DPYD: variants seen among roughly 807,000 people sequenced by gnomAD.
DPYD encodes dihydropyrimidine dehydrogenase [NADP(+)].
In DPYD, 109 loss-of-function variants were observed where a neutral mutation model predicts 116.2. That is an observed-to-expected ratio of 0.94 (90% CI 0.80 to 1.10). The LOEUF is 1.10. DPYD is among the 50% of genes least tolerant of loss of function. The pLI, the probability that DPYD is intolerant of heterozygous loss-of-function variation, is 0.00. For synonymous variants in DPYD, 440 were observed against 432.0 expected (o/e 1.02, Z -0.23); for missense variants, 1,302 against 1,254.5 (o/e 1.04, Z -0.57).
rs113712656 is a variant in DPYD at position 97,884,955 on chromosome 1, A to G, written c.40-1581T>C. ...TCTTTGATTTCCTCACATGCAAAAT[A>G]GGGCAACACCTGAATCAGAAGTAAA... On this transcript the variant is annotated intron_variant, in intron 1 of 22. Transcript: ENST00000370192. 1.7e-3 allele frequency among the ~76,000 whole-genome samples: 264 copies of G among 152,172 alleles called. 4 individuals are homozygous for G. The highest frequency in any genetic ancestry group is 2.1e-3 in the Non-Finnish European group (141 of 67,950).
Position 97,079,085 on chromosome 1 carries a change from G to C in DPYD, c.2969C>G (p.Thr990Ser). 6.2e-7 allele frequency: 1 copy of C among 1,613,768 alleles called. No homozygotes were observed. The highest frequency in any genetic ancestry group is 1.6e-4 in the Middle Eastern group (1 of 6,062). ...AATAGGGCAAACACTGAGACACAGA[G>C]TACAGCCTGTACAAGTGTCGGTTAT... ...PTITDTCTGC[T>S]LCLSVCPIVD... The change falls in exon 23 of 23, where the codon ACT becomes AGT. Residue 990 changes from threonine (T) to serine (S), a missense_variant. Transcript: ENST00000370192.
chr1:97,813,923 C>CAG (rs1194637369), intron 3 of DPYD, among the ~76,000 whole-genome samples: 1 of 147,416 alleles, frequency 6.8e-6, no homozygotes, highest in Non-Finnish European at 1.5e-5. Flanking sequence ...CAGACACACA[C>CAG]ACACACACAC....
chr1:97,215,554 A>G (rs1007222893), intron 19 of DPYD, among the ~76,000 whole-genome samples: 2 of 152,136 alleles, frequency 1.3e-5, no homozygotes, highest in East Asian at 1.9e-4. Context: ...GTTCAAAAGG[A>G]GGCAATGAAA....
At chr1:97,798,504 T>C (rs1667692946) in intron 3 of DPYD, among the ~76,000 whole-genome samples, 1 of 151,932 alleles carries the variant, frequency 6.6e-6, no homozygotes, top group Non-Finnish European at 1.5e-5. Context: ...ATTCTACCCA[T>C]TTTAAGTATA....
intron 2 of DPYD, among the ~76,000 whole-genome samples, chr1:97,859,389 T>A (rs1015047184): frequency 6.6e-6 from 1 of 152,188 alleles, no homozygotes; most frequent in African/African-American, 2.4e-5. Flanking sequence ...ATAAAGAACA[T>A]CTGAACCTGG....
At chr1:97,278,591 G>A (rs987199393) in intron 18 of DPYD, among the ~76,000 whole-genome samples, 1 of 152,196 alleles carries the variant, frequency 6.6e-6, no homozygotes, top group African/African-American at 2.4e-5. Context: ...CCCCCAAACA[G>A]ATTTCCTGTT....
At chr1:97,752,290 TCA>T (rs146577982) in intron 3 of DPYD, among the ~76,000 whole-genome samples, 41,381 of 145,526 alleles carry the variant, frequency 0.28, 6,289 homozygotes, top group East Asian at 0.66. Context: ...TAAACCTACT[TCA>T]CACACACACA....
intron 13 of DPYD, among the ~76,000 whole-genome samples, chr1:97,481,879 T>C (rs544402354): frequency 2.6e-4 from 39 of 152,296 alleles, no homozygotes; most frequent in African/African-American, 9.4e-4. Context: ...TCTCTGTATA[T>C]GTGTGTTCAT....
intron 8 of DPYD, among the ~76,000 whole-genome samples, chr1:97,636,953 T>G (rs547965164): frequency 6.6e-6 from 1 of 152,160 alleles, no homozygotes; most frequent in African/African-American, 2.4e-5. Context: ...TGATTCACTG[T>G]GTGGGAACCC....
intron 19 of DPYD, among the ~76,000 whole-genome samples, chr1:97,220,261 A>T (rs1042166401): frequency 6.6e-6 from 1 of 152,082 alleles, no homozygotes; most frequent in African/African-American, 2.4e-5. Flanking sequence ...AAAGACCTGA[A>T]CTAGCGCATT....
intron 14 of DPYD, among the ~76,000 whole-genome samples, chr1:97,422,181 T>A (rs1197136574): frequency 1.3e-5 from 2 of 152,220 alleles, no homozygotes; most frequent in African/African-American, 4.8e-5. Context: ...AACATTATTA[T>A]ATTAAAATAT....
intron 18 of DPYD, among the ~76,000 whole-genome samples, chr1:97,248,954 C>A (rs1662901476): frequency 6.6e-6 from 1 of 152,078 alleles, no homozygotes; most frequent in South Asian, 2.1e-4. Context: ...ATTCATGATA[C>A]TTCAGAAAAT....
At chr1:97,810,639 T>A (rs896198272) in intron 3 of DPYD, among the ~76,000 whole-genome samples, 15 of 152,094 alleles carry the variant, frequency 9.9e-5, no homozygotes, top group Non-Finnish European at 8.8e-5. Context: ...AATATCCATA[T>A]TAGAGCTCTC....
rs748909072 is a variant in DPYD, at chr1:97,450,234, A to C, written c.1741-11T>G. 6.2e-7 allele frequency: 1 copy of C among 1,613,284 alleles called. No homozygotes were observed. The highest frequency in any genetic ancestry group is 8.5e-7 in the Non-Finnish European group (1 of 1,179,422). ...ATTTGTCACAATGTCCTGATGAAAG[A>C]GTAAAGATATTGAGTCTCCTTTTGA... On this transcript the variant is annotated splice_polypyrimidine_tract_variant and intron_variant, in intron 13 of 22. Coordinates refer to ENST00000370192, the MANE Select transcript of DPYD (RefSeq NM_000110.4).
intron 18 of DPYD, among the ~76,000 whole-genome samples, chr1:97,249,813 T>C (rs2100805273): frequency 6.6e-6 from 1 of 152,176 alleles, no homozygotes; most frequent in South Asian, 2.1e-4. Flanking sequence ...GATCAATAAA[T>C]ACATAAAAAA....
At chr1:97,287,750 C>A (rs943641056) in intron 18 of DPYD, among the ~76,000 whole-genome samples, 3 of 152,120 alleles carry the variant, frequency 2.0e-5, no homozygotes, top group Non-Finnish European at 4.4e-5. Context: ...AGGATATAAT[C>A]TCCTGGTGCG....
At chr1:97,528,324 G>T (rs1258936944) in intron 12 of DPYD, among the ~76,000 whole-genome samples, 2 of 151,400 alleles carry the variant, frequency 1.3e-5, no homozygotes, top group African/African-American at 4.8e-5. Flanking sequence ...GGCTTCAGAA[G>T]TTTCTACAAA....
chr1:97,801,374 C>A (rs549475307), intron 3 of DPYD, among the ~76,000 whole-genome samples: 122 of 151,920 alleles, frequency 8.0e-4, no homozygotes, highest in Non-Finnish European at 1.3e-3. Context: ...CCAAAACTGA[C>A]CAAAACACCA....
chr1:97,879,128 T>C (rs1672056444), intron 2 of DPYD, among the ~76,000 whole-genome samples: 1 of 152,022 alleles, frequency 6.6e-6, no homozygotes, highest in South Asian at 2.1e-4. Flanking sequence ...AGGTTTCTTA[T>C]GCTTCCATGT....
Sources: gnomAD v4.1 joint callset for allele counts (sites outside exome capture counted in the v4.1 genomes callset) on GRCh38, gnomAD v4.1.1 for gene constraint, MANE v1.5 for transcripts, NCBI Gene and HGNC (gene_info 2026-07-23, HGNC 2026-07-21) for gene names.